The following TSG101 variants were observed in gnomAD, a reference collection of about 807,000 sequenced individuals.
The protein encoded by TSG101 is tumor susceptibility 101, also known as tumor susceptibility gene 101 protein.
In TSG101, 19 loss-of-function variants were observed where a neutral mutation model predicts 48.5. That is an observed-to-expected ratio of 0.39 (90% CI 0.27 to 0.58). TSG101 has a LOEUF of 0.58. Among genes scored for constraint, TSG101 ranks in the 20% least tolerant of loss-of-function variants. The pLI is 0.55. For synonymous variants in TSG101, 174 were observed against 169.4 expected (o/e 1.03, Z -0.21); for missense variants, 365 against 484.4 (o/e 0.75, Z 2.31).
chr11:18,483,775 T>A, intron 8 of TSG101, 95 bp downstream of exon 8: 1 of 1,325,240 alleles, frequency 7.5e-7, no homozygotes, highest in Non-Finnish European at 1.1e-6. Flanking sequence ...TTTTCTGAAC[T>A]CCTACTATGC....
At chr11:18,519,989 G>T (rs924673967) in intron 1 of TSG101, among the ~76,000 whole-genome samples, 2 of 152,146 alleles carry the variant, frequency 1.3e-5, no homozygotes, top group African/African-American at 4.8e-5. Flanking sequence ...ATTTGGAGTT[G>T]TGTAACCACC....
In TSG101 at chr11:18,502,537, G is replaced by C. The variant is rs1849905065; in HGVS notation, c.589C>G (p.Pro197Ala). ...GCPYPPGGPYPATTSSQYPSQ... is the reference protein window; with the variant it reads ...GCPYPPGGPYAATTSSQYPSQ... ...GGGTACTGAGAACTTGTTGTGGCAG[G>C]ATATGGACCACCAGGTGGGTAAGGA... Residue 197 changes from proline (P) to alanine (A), a missense_variant, in exon 7 of 10, where the codon CCT becomes GCT. Transcript: ENST00000251968. 1 of 1,613,302 alleles carries C rather than the reference G, an allele frequency of 6.2e-7. No individual in the cohort carries two copies. Among genetic ancestry groups the C allele is most frequent in the South Asian group, 1.1e-5 (1 of 90,980 alleles).
intron 3 of TSG101, among the ~76,000 whole-genome samples, chr11:18,515,248 C>A (rs948177655): frequency 6.6e-6 from 1 of 152,110 alleles, no homozygotes; most frequent in Admixed American, 6.5e-5. Context: ...CTATCTGTTC[C>A]CTTTGTTTCC....
At chr11:18,486,635 T>G (rs11024675) in intron 7 of TSG101, among the ~76,000 whole-genome samples, 23,952 of 150,744 alleles carry the variant, frequency 0.16, 2,246 homozygotes, top group East Asian at 0.4. Context: ...CTGGAGAGGA[T>G]GTGGAGAAAT....
chr11:18,523,777 C>T, intron 1 of TSG101, among the ~76,000 whole-genome samples: 1 of 152,214 alleles, frequency 6.6e-6, no homozygotes, highest in East Asian at 1.9e-4. Flanking sequence ...GCTGAGATTA[C>T]AGGCATGAGC....
In TSG101 at chr11:18,494,297, T is replaced by C. The variant is rs117892915; in HGVS notation, c.640+8189A>G. 3.4e-3 allele frequency among the ~76,000 whole-genome samples: 523 copies of C among 152,268 alleles called. 1 individual carries two copies. Among genetic ancestry groups the C allele is most frequent in the Non-Finnish European group, 5.6e-3 (380 of 68,020 alleles). The stretch of plus-strand genomic sequence containing the variant: ...CAATAAATCTGAAGGAGAGTTAAAA[T>C]TCTATTCTTAAAAAAATGAATCAGA... On this transcript the variant is annotated intron_variant, in intron 7 of 9. Transcript: ENST00000251968.
At chr11:18,511,654 C>T (rs541295426) in intron 4 of TSG101, among the ~76,000 whole-genome samples, 20 of 152,290 alleles carry the variant, frequency 1.3e-4, no homozygotes, top group African/African-American at 3.6e-4. Context: ...ATTCACATCC[C>T]ATAAACTTTC....
intron 7 of TSG101, among the ~76,000 whole-genome samples, chr11:18,501,006 C>A (rs975025211): frequency 7.2e-5 from 11 of 152,218 alleles, no homozygotes; most frequent in Admixed American, 5.2e-4. Flanking sequence ...CGGGGTTTTA[C>A]CATGTTGGCC....
intron 7 of TSG101, among the ~76,000 whole-genome samples, chr11:18,489,011 A>G (rs999726059): frequency 4.6e-5 from 7 of 151,858 alleles, no homozygotes; most frequent in African/African-American, 1.7e-4. Context: ...GCTACTTGGG[A>G]GGCTGAGACA....
chr11:18,524,261 A>G (rs1479149170), intron 1 of TSG101, among the ~76,000 whole-genome samples: 3 of 152,272 alleles, frequency 2.0e-5, no homozygotes, highest in Non-Finnish European at 4.4e-5. Flanking sequence ...TGCAAAAATA[A>G]CAGAGAAAGG....
At chr11:18,514,149 T>G (rs1850131377) in intron 4 of TSG101, among the ~76,000 whole-genome samples, 1 of 151,940 alleles carries the variant, frequency 6.6e-6, no homozygotes, top group African/African-American at 2.4e-5. Flanking sequence ...CTACCTCATC[T>G]CTTTGCTGTT....
intron 7 of TSG101, among the ~76,000 whole-genome samples, chr11:18,499,257 T>A (rs971308000): frequency 1.5e-5 from 2 of 133,574 alleles, no homozygotes; most frequent in African/African-American, 5.8e-5. Context: ...TTATATATTA[T>A]ATATATTTTA....
chr11:18,480,333 C>T lies in TSG101; in HGVS notation c.*213G>A, dbSNP rs972173008. ...AAATTATGCAACAAATTTTATTTAG[C>T]AGTCCCAACATTCAGCACAAAAAGT... On this transcript the variant is annotated 3_prime_UTR_variant, in exon 10 of 10. Coordinates refer to ENST00000251968, the MANE Select transcript of TSG101 (RefSeq NM_006292.4). The T allele has an allele frequency of 2.8e-6, 1 of 361,262 alleles. No individual in the cohort carries two copies. The highest frequency in any genetic ancestry group is 2.1e-5 in the African/African-American group (1 of 47,772). The allele number at this position is 361,262 out of a possible 1,614,324, so 22.4% of individuals were successfully genotyped here.
chr11:18,520,452 T>C (rs1473719153), intron 1 of TSG101, among the ~76,000 whole-genome samples: 1 of 152,140 alleles, frequency 6.6e-6, no homozygotes, highest in Non-Finnish European at 1.5e-5. Flanking sequence ...CTCCAACTCC[T>C]GACCTCAAGC....
At chr11:18,503,121 G>T (rs1849915071) in intron 6 of TSG101, among the ~76,000 whole-genome samples, 1 of 152,064 alleles carries the variant, frequency 6.6e-6, no homozygotes, top group Non-Finnish European at 1.5e-5. Flanking sequence ...AAAGTCAGAG[G>T]AACTTTCCTT....
chr11:18,492,058 G>A (rs1219784352), intron 7 of TSG101, among the ~76,000 whole-genome samples: 1 of 152,198 alleles, frequency 6.6e-6, no homozygotes, highest in Non-Finnish European at 1.5e-5. Context: ...ACAAGAGTTT[G>A]GTTTAGAATT....
chr11:18,486,367 C>T (rs1030794262), intron 7 of TSG101, among the ~76,000 whole-genome samples: 26 of 152,310 alleles, frequency 1.7e-4, no homozygotes, highest in Non-Finnish European at 3.4e-4. Flanking sequence ...TGCAGAGTGA[C>T]TGAGAAGAAA....
intron 7 of TSG101, among the ~76,000 whole-genome samples, chr11:18,498,176 G>A (rs1849813770): frequency 6.6e-6 from 1 of 152,180 alleles, no homozygotes; most frequent in African/African-American, 2.4e-5. Context: ...TCCTAAGACA[G>A]GAGACCAGTA....
At position 18,506,910 on chromosome 11, in the gene TSG101, T is replaced by C. The variant is rs1258581928; in HGVS notation, c.495A>G (p.Pro165=). ...ATGGAGAGATTCCACCTGGCATGCC[T>C]GGCATGTAGGAAGCTAAAAACAATT... ...ATGPPNTSYM[P]GMPGGISPYP... is the part of the protein sequence containing the mutation. The change falls in exon 6 of 10, where the codon CCA becomes CCG. Residue 165 remains proline, a synonymous_variant. Coordinates refer to ENST00000251968, the MANE Select transcript of TSG101 (RefSeq NM_006292.4). 6.2e-7 allele frequency: 1 copy of C among 1,607,110 alleles called. No individual in the cohort carries two copies. The highest frequency in any genetic ancestry group is 8.5e-7 in the Non-Finnish European group (1 of 1,175,800).
Sources: allele counts gnomAD v4.1 joint callset (sites outside exome capture counted in the v4.1 genomes callset), GRCh38; gene constraint gnomAD v4.1.1; transcripts MANE v1.5; gene names NCBI Gene and HGNC (gene_info 2026-07-23, HGNC 2026-07-21).